KLF12: variants seen among roughly 807,000 people sequenced by gnomAD.
KLF12 encodes Krueppel-like factor 12.
A neutral mutation model predicts 37.8 loss-of-function variants in KLF12; 9 were observed. The observed-to-expected ratio is 0.24, with a 90% CI of 0.14 to 0.42. KLF12 has a LOEUF of 0.42. Ranked by LOEUF, KLF12 falls within the 10% of genes least tolerant of loss-of-function variation. KLF12 has a pLI of 1.00. For missense variants in KLF12, 411 were observed against 516.0 expected, an observed-to-expected ratio of 0.80 and a Z score of 1.97; for synonymous variants, 208 against 202.1, an observed-to-expected ratio of 1.03 and a Z score of -0.25.
At chr13:74,073,125 C>T (rs73214819) in intron 1 of KLF12, among the ~76,000 whole-genome samples, 2 of 152,330 alleles carry the variant, frequency 1.3e-5, no homozygotes, top group African/African-American at 2.4e-5. Context: ...CTGCCATGAT[C>T]GTGAGGCCGC....
At chr13:74,299,066 C>T in the KLF12 span, among the ~76,000 whole-genome samples, 9 of 152,288 alleles carry the variant, frequency 5.9e-5, no homozygotes, top group African/African-American at 1.9e-4. Flanking sequence ...ATGCGGGTGC[C>T]CACATAGGCC....
intron 1 of KLF12, among the ~76,000 whole-genome samples, chr13:74,058,353 C>CTTT (rs55954411): frequency 3.3e-4 from 24 of 72,652 alleles, no homozygotes; most frequent in Non-Finnish European, 4.2e-4. Context: ...ATAATTTTAT[C>CTTT]TTTTTTTTTT....
At chr13:73,929,312 T>A (rs1220291598) in intron 3 of KLF12, among the ~76,000 whole-genome samples, 4 of 152,182 alleles carry the variant, frequency 2.6e-5, no homozygotes, top group African/African-American at 9.7e-5. Flanking sequence ...ATATTACATA[T>A]ATTAACTTCT....
At chr13:74,162,997 A>G in the KLF12 span, among the ~76,000 whole-genome samples, 1 of 152,220 alleles carries the variant, frequency 6.6e-6, no homozygotes, top group Non-Finnish European at 1.5e-5. Flanking sequence ...TTGGTAGAAG[A>G]ATGGAGATAA....
intron 2 of KLF12, among the ~76,000 whole-genome samples, chr13:73,956,480 G>T (rs1271720003): frequency 3.3e-5 from 5 of 151,318 alleles, no homozygotes; most frequent in African/African-American, 1.2e-4. Flanking sequence ...CTTGGCTTCT[G>T]CCACTATATC....
At chr13:73,792,376 CTTA>C (rs1341402070) in intron 5 of KLF12, among the ~76,000 whole-genome samples, 3 of 152,070 alleles carry the variant, frequency 2.0e-5, no homozygotes, top group Admixed American at 6.6e-5. Flanking sequence ...ATCCTAAAAT[CTTA>C]TTTTTTGTGG....
chr13:74,044,631 G>A (rs1893492576), intron 1 of KLF12, among the ~76,000 whole-genome samples: 1 of 152,074 alleles, frequency 6.6e-6, no homozygotes, highest in Non-Finnish European at 1.5e-5. Flanking sequence ...TGAATCACGA[G>A]GTCAGGAGAT....
At chr13:73,868,472 C>A (rs1886301460) in intron 3 of KLF12, among the ~76,000 whole-genome samples, 1 of 151,960 alleles carries the variant, frequency 6.6e-6, no homozygotes. Context: ...CTCACCACAA[C>A]CTCCGCCTCC....
chr13:74,215,348 T>C, the KLF12 span, among the ~76,000 whole-genome samples: 1 of 151,982 alleles, frequency 6.6e-6, no homozygotes, highest in African/African-American at 2.4e-5. Flanking sequence ...ATTATCTGAT[T>C]ATTCTTCCTC....
intron 1 of KLF12, among the ~76,000 whole-genome samples, chr13:74,050,140 T>C (rs1216799150): frequency 6.6e-6 from 1 of 152,010 alleles, no homozygotes; most frequent in Non-Finnish European, 1.5e-5. Context: ...TCTACAAGAT[T>C]TCAGAGAGAA....
At chr13:73,738,118 T>TATATACACACACATATATGTATGTGTAC (rs1877640014) in intron 6 of KLF12, among the ~76,000 whole-genome samples, 1 of 65,316 alleles carries the variant, frequency 1.5e-5, no homozygotes, top group Non-Finnish European at 2.9e-5. Context: ...TATATATATA[T>TATATACACACACATATATGTATGTGTAC]ATATATACAC....
In KLF12 at chr13:74,077,290, A is replaced by G. The variant is rs191725240; in HGVS notation, c.-32+56449T>C. ...CAAGGGGACACATTCAAACTACAGC[A>G]CTGTATTTGGACTATGAGTACTCCA... On this transcript the variant is annotated intron_variant, in intron 1 of 7. Coordinates refer to ENST00000377669, the MANE Select transcript of KLF12 (RefSeq NM_007249.5). Among the ~76,000 whole-genome samples, 214 of 152,270 alleles carry G rather than the reference A, an allele frequency of 1.4e-3. 2 individuals carry two copies. Among genetic ancestry groups the G allele is most frequent in the African/African-American group, 5.0e-3 (206 of 41,554 alleles).
At chr13:74,091,556 C>T (rs1875659642) in intron 1 of KLF12, among the ~76,000 whole-genome samples, 1 of 152,198 alleles carries the variant, frequency 6.6e-6, no homozygotes, top group South Asian at 2.1e-4. Flanking sequence ...CAAGGCACCA[C>T]AGTTTCTTCA....
chr13:73,838,329 C>A (rs1884551506), intron 4 of KLF12, among the ~76,000 whole-genome samples: 1 of 152,134 alleles, frequency 6.6e-6, no homozygotes, highest in African/African-American at 2.4e-5. Flanking sequence ...ACAGCCACAT[C>A]CCTTTGAAAC....
At chr13:73,935,092 G>T (rs1176470639) in intron 3 of KLF12, among the ~76,000 whole-genome samples, 1 of 151,662 alleles carries the variant, frequency 6.6e-6, no homozygotes, top group African/African-American at 2.4e-5. Context: ...TGAGTCTCCT[G>T]CCTCAGCCTC....
At chr13:74,256,575 C>T in the KLF12 span, among the ~76,000 whole-genome samples, 4 of 152,028 alleles carry the variant, frequency 2.6e-5, no homozygotes, top group African/African-American at 9.7e-5. Flanking sequence ...AACCCACCAG[C>T]GAATCAGTAG....
chr13:74,029,605 G>A (rs951077085), intron 1 of KLF12, among the ~76,000 whole-genome samples: 9 of 151,974 alleles, frequency 5.9e-5, no homozygotes, highest in African/African-American at 2.2e-4. Flanking sequence ...CCCTATTAAC[G>A]GGTTTAGGCA....
At chr13:74,249,686 A>T in the KLF12 span, among the ~76,000 whole-genome samples, 15 of 152,296 alleles carry the variant, frequency 9.8e-5, no homozygotes, top group African/African-American at 2.6e-4. Flanking sequence ...GTGTTTTTTT[A>T]AAATATGTAA....
intron 4 of KLF12, among the ~76,000 whole-genome samples, chr13:73,827,859 G>T (rs56850540): frequency 0.25 from 38,084 of 152,038 alleles, 4,929 homozygotes; most frequent in East Asian, 0.48. Context: ...CACTGTGTCC[G>T]GGCCCATCCA....
Sources: gnomAD v4.1 joint callset for allele counts (sites outside exome capture counted in the v4.1 genomes callset) on GRCh38, gnomAD v4.1.1 for gene constraint, MANE v1.5 for transcripts, NCBI Gene and HGNC (gene_info 2026-07-23, HGNC 2026-07-21) for gene names.